THSD4: variants seen among roughly 807,000 people sequenced by gnomAD.
THSD4 encodes the protein thrombospondin type-1 domain-containing protein 4.
THSD4 carries 69 observed loss-of-function variants against 119.0 expected under a neutral mutation model. The observed-to-expected ratio is 0.58, with a 90% confidence interval of 0.48 to 0.71. The LOEUF (loss-of-function observed/expected upper bound fraction) is 0.71, where lower values mean the gene tolerates loss of function less well. Among genes scored for constraint, THSD4 ranks in the 30% least tolerant of loss-of-function variants. THSD4 has a pLI of 0.00. For synonymous variants in THSD4, 524 were observed against 540.4 expected, an observed-to-expected ratio of 0.97 and a Z score of 0.42; for missense variants, 1,393 against 1,391.1, an observed-to-expected ratio of 1.00 and a Z score of -0.02.
chr15:71,562,004 A>G (rs556033360), intron 7 of THSD4, among the ~76,000 whole-genome samples: 7 of 152,340 alleles, frequency 4.6e-5, no homozygotes, highest in African/African-American at 1.7e-4. Flanking sequence ...ATTATTTAAT[A>G]AGGAACCTCA....
chr15:71,672,118 C>T (rs751671436), intron 8 of THSD4, among the ~76,000 whole-genome samples: 5 of 152,178 alleles, frequency 3.3e-5, no homozygotes, highest in Admixed American at 6.5e-5. Context: ...TATCCATGAG[C>T]ATGGAATGTT....
In THSD4 at chr15:71,402,075, G is replaced by A. The variant is rs562832779; in HGVS notation, c.1016-9612G>A. The stretch of plus-strand genomic sequence containing the variant: ...AATGAGAACACATGGACACAGGGAG[G>A]GGAACATCACACACTGGGGCCTGTC... On this transcript the variant is annotated intron_variant, in intron 6 of 17. Coordinates refer to ENST00000261862, the MANE Select transcript of THSD4 (RefSeq NM_024817.3). Among the ~76,000 whole-genome samples the A allele has an allele frequency of 2.0e-5, 3 of 151,098 alleles. No individual in the cohort carries two copies. The East Asian group carries it at 5.8e-4, about 29-fold the overall frequency.
chr15:71,535,143 C>T (rs2048671573), intron 7 of THSD4, among the ~76,000 whole-genome samples: 1 of 152,140 alleles, frequency 6.6e-6, no homozygotes, highest in South Asian at 2.1e-4. Context: ...TTCCGCTCAC[C>T]CTCCTCGGGC....
rs553895109 is a variant in THSD4, at chr15:71,655,617, A to G, written c.1153-4913A>G. Among the ~76,000 whole-genome samples, 33 of 152,252 alleles carry G rather than the reference A, an allele frequency of 2.2e-4. No homozygotes were observed. In the South Asian group the frequency reaches 6.8e-3, roughly 32 times the overall value. ...CTCATTTGATTTTCCCAACAGTCCT[A>G]AGGGGTAGCTGCTCCATCCCCATCC... On this transcript the variant is annotated intron_variant, in intron 7 of 17. Transcript: ENST00000261862.
chr15:71,561,898 A>G (rs1595886615), intron 7 of THSD4, among the ~76,000 whole-genome samples: 1 of 100,942 alleles, frequency 9.9e-6, no homozygotes, highest in East Asian at 2.3e-4. Flanking sequence ...ACACACACAC[A>G]CACACACACA....
chr15:71,380,901 TG>T, intron 6 of THSD4, among the ~76,000 whole-genome samples: 1 of 152,094 alleles, frequency 6.6e-6, no homozygotes, highest in Non-Finnish European at 1.5e-5. Context: ...CTTTCTCTTA[TG>T]GGAAAGGAAC....
chr15:71,257,259 T>A (rs1429809962), intron 6 of THSD4, among the ~76,000 whole-genome samples: 1 of 152,180 alleles, frequency 6.6e-6, no homozygotes, highest in Non-Finnish European at 1.5e-5. Context: ...AGCAAGTTGA[T>A]CCCACTCTGC....
At chr15:71,529,473 G>A (rs2048577794) in intron 7 of THSD4, among the ~76,000 whole-genome samples, 1 of 152,128 alleles carries the variant, frequency 6.6e-6, no homozygotes, top group South Asian at 2.1e-4. Context: ...TAAGAAAGAT[G>A]GAATGAGGTT....
intron 3 of THSD4, among the ~76,000 whole-genome samples, chr15:71,213,238 G>T (rs74751475): frequency 0.19 from 29,126 of 152,024 alleles, 3,082 homozygotes; most frequent in South Asian, 0.3. Context: ...TGCTTCAGGG[G>T]TCACATTGCC....
In THSD4 at chr15:71,637,076, G is replaced by A. The variant is rs149993341; in HGVS notation, c.1153-23454G>A. 9.8e-3 allele frequency among the ~76,000 whole-genome samples: 1,492 copies of A among 151,998 alleles called. 24 individuals carry two copies. The highest frequency in any genetic ancestry group is 0.033 in the African/African-American group (1,373 of 41,422). On this transcript the variant is annotated intron_variant, in intron 7 of 17. Coordinates refer to ENST00000261862, the MANE Select transcript of THSD4 (RefSeq NM_024817.3). ...ATTTTTTTGTATTTTTGGTAGAGACGGGGTTTCACCATGTTGGCCAGGCTG... is the reference window on the plus strand; with the variant it reads ...ATTTTTTTGTATTTTTGGTAGAGACAGGGTTTCACCATGTTGGCCAGGCTG...
chr15:71,272,271 C>T (rs766393431), intron 6 of THSD4, among the ~76,000 whole-genome samples: 7 of 151,414 alleles, frequency 4.6e-5, no homozygotes, highest in South Asian at 2.1e-4. Flanking sequence ...TGTGGTGGCA[C>T]GCACCTGTAG....
chr15:71,498,635 CTCTGCCTCTGGTT>C (rs2048063308), intron 7 of THSD4, among the ~76,000 whole-genome samples: 1 of 152,166 alleles, frequency 6.6e-6, no homozygotes, highest in African/African-American at 2.4e-5. Context: ...TTGCTGCCCT[CTCTGCCTCTGGTT>C]TCTGCCTTTT....
intron 1 of THSD4, among the ~76,000 whole-genome samples, chr15:71,120,363 TC>T (rs2040398930): frequency 6.6e-6 from 1 of 152,204 alleles, no homozygotes. Context: ...GTCTACCCCG[TC>T]ACCCAGCTGA....
chr15:71,673,188 G>A (rs904798338), intron 8 of THSD4, among the ~76,000 whole-genome samples: 3 of 152,134 alleles, frequency 2.0e-5, no homozygotes, highest in Non-Finnish European at 4.4e-5. Context: ...TCTATTCAGG[G>A]ATTCAACTTC....
intron 8 of THSD4, among the ~76,000 whole-genome samples, chr15:71,724,616 A>G (rs1294707419): frequency 2.0e-5 from 3 of 152,052 alleles, no homozygotes; most frequent in Non-Finnish European, 1.5e-5. Context: ...AAGCCATTGA[A>G]GAATTTTGAG....
At chr15:71,671,859 C>T (rs1277401863) in intron 8 of THSD4, among the ~76,000 whole-genome samples, 2 of 152,158 alleles carry the variant, frequency 1.3e-5, no homozygotes, top group Admixed American at 6.5e-5. Flanking sequence ...GTTTTGGTAC[C>T]AGTACCATGC....
chr15:71,406,768 CTCCCGA>C (rs2046615183), intron 6 of THSD4, among the ~76,000 whole-genome samples: 1 of 151,996 alleles, frequency 6.6e-6, no homozygotes, highest in East Asian at 1.9e-4. Context: ...CAACCTCCGC[CTCCCGA>C]GTTCAAGCAA....
At position 71,193,767 on chromosome 15, in the gene THSD4, G is replaced by A. The variant is rs567017612; in HGVS notation, c.100-21268G>A. 7.9e-5 allele frequency among the ~76,000 whole-genome samples: 12 copies of A among 152,252 alleles called. No homozygotes were observed. The South Asian group carries it at 1.0e-3, about 13-fold the overall frequency. On this transcript the variant is annotated intron_variant, in intron 3 of 17. Coordinates refer to ENST00000261862, the MANE Select transcript of THSD4 (RefSeq NM_024817.3). ...CTGTTGCCCAGGCAGGAGTGCAGTG[G>A]CGTGATCTCGGCTCTCTGCAAGCTC... is the stretch of plus-strand genomic sequence containing the variant.
At chr15:71,574,022 G>A (rs1595895857) in intron 7 of THSD4, among the ~76,000 whole-genome samples, 1 of 152,212 alleles carries the variant, frequency 6.6e-6, no homozygotes, top group East Asian at 1.9e-4. Flanking sequence ...ATTGACTGAA[G>A]AGGCGAAACC....
Sources: gnomAD v4.1 joint callset for allele counts (sites outside exome capture counted in the v4.1 genomes callset) on GRCh38, gnomAD v4.1.1 for gene constraint, MANE v1.5 for transcripts, NCBI Gene and HGNC (gene_info 2026-07-23, HGNC 2026-07-21) for gene names.